The following ATP4B variants were observed in gnomAD, a reference collection of about 807,000 sequenced individuals.
The protein encoded by ATP4B is potassium-transporting ATPase subunit beta.
A neutral mutation model predicts 35.3 loss-of-function variants in ATP4B; 27 were observed. The observed-to-expected ratio is 0.76, with a 90% CI of 0.56 to 1.05. The LOEUF (loss-of-function observed/expected upper bound fraction) is 1.05, where lower values mean the gene tolerates loss of function less well. Among genes scored for constraint, ATP4B ranks in the 50% least tolerant of loss-of-function variants. The pLI, the probability that ATP4B is intolerant of heterozygous loss-of-function variation, is 0.00. For synonymous variants in ATP4B, 162 were observed against 156.0 expected, an observed-to-expected ratio of 1.04 and a Z score of -0.29; for missense variants, 375 against 384.8, an observed-to-expected ratio of 0.97 and a Z score of 0.21.
At position 113,657,905 on chromosome 13, in the gene ATP4B, G is replaced by A. The variant is rs570372014; in HGVS notation, c.112+128C>T. The A allele has an allele frequency of 6.0e-5, 46 of 766,436 alleles. No homozygotes were observed. The African/African-American group carries it at 7.0e-4, about 12-fold the overall frequency. The allele number at this position is 766,436 out of a possible 1,614,324, so 47.5% of individuals were successfully genotyped here. A position where few individuals can be genotyped will look rare whatever the true frequency, so the allele number is the denominator to read the frequency against. On this transcript the variant is annotated intron_variant, in intron 1 of 6. Transcript: ENST00000335288. ...GAGGCCCTGGCCGAAGCCCGTCCACGCCATCCAGGCAGCATCGGGGTCTCA... is the reference window on the plus strand; with the variant it reads ...GAGGCCCTGGCCGAAGCCCGTCCACACCATCCAGGCAGCATCGGGGTCTCA...
In ATP4B at chr13:113,649,781, G is replaced by C. The variant is rs1363935899; in HGVS notation, c.715-246C>G. 6.6e-6 allele frequency among the ~76,000 whole-genome samples: 1 copy of C among 152,184 alleles called. No individual in the cohort carries two copies. The highest frequency in any genetic ancestry group is 1.5e-5 in the Non-Finnish European group (1 of 68,032). ...AAATTCAGCTTCAAACTCTTACGAT[G>C]ATTAACGTAAAAATGAAACAGGAAA... On this transcript the variant is annotated intron_variant, in intron 6 of 6. Coordinates refer to ENST00000335288, the MANE Select transcript of ATP4B (RefSeq NM_000705.4). This position sits in a 1 kb window ranked among gnomAD's most constrained non-coding sequence, Gnocchi z 4.7.
chr13:113,652,877 T>C lies in ATP4B; in HGVS notation c.551A>G (p.Asn184Ser), dbSNP rs1044194818. The change falls in exon 4 of 7, where the codon AAC becomes AGC. Residue 184 changes from asparagine to serine, a missense_variant. By Grantham distance (46) the Asn-to-Ser change is conservative. Coordinates refer to ENST00000335288, the MANE Select transcript of ATP4B (RefSeq NM_000705.4). ...EGKPCFIIKMNRIVKFLPSNG... is the reference protein window; with the variant it reads ...EGKPCFIIKMSRIVKFLPSNG... ...AAGGAGACCCTCAGTACTCACCCTG[T>C]TCATTTTAATAATAAAACATGGCTT... 2 of 1,614,028 alleles carry C rather than the reference T, an allele frequency of 1.2e-6. No homozygotes were observed. Among genetic ancestry groups the C allele is most frequent in the Admixed American group, 3.3e-5 (2 of 60,002 alleles).
At position 113,652,952 on chromosome 13, in the gene ATP4B, A is replaced by G; in HGVS notation, c.476T>C (p.Leu159Pro). The stretch of plus-strand genomic sequence containing the variant: ...ATCCGCCAGGCCTGAGCAGTTCTGC[A>G]GCATATCTGCCGTGAACTTGCAGGA... ...KFSCKFTADM[L>P]QNCSGLADPN... The change falls in exon 4 of 7, where the codon CTG (leucine) becomes CCG (proline). Residue 159 changes from leucine to proline, a missense_variant. Transcript: ENST00000335288. The G allele has an allele frequency of 6.2e-7, 1 of 1,614,236 alleles. No homozygotes were observed.
Position 113,658,141 on chromosome 13 carries a change from C to T in ATP4B, c.4G>A (p.Ala2Thr). 6.2e-7 allele frequency: 1 copy of T among 1,611,970 alleles called. No individual in the cohort carries two copies. The highest frequency in any genetic ancestry group is 1.7e-5 in the Admixed American group (1 of 59,874). Residue 2 changes from alanine (A) to threonine (T), a missense_variant, in exon 1 of 7, where the codon GCG becomes ACG. Transcript: ENST00000335288. ...CACGTCTTCTTCTCCTGCAGAGCCG[C>T]CATCGTCCCTGGCCTGAGATCCTCC... M[A>T]ALQEKKTCGQ... is the part of the protein sequence containing the mutation.
At position 113,651,699 on chromosome 13, in the gene ATP4B, G is replaced by A. The variant is rs543766251; in HGVS notation, c.584C>T (p.Ser195Leu). ...GAAGGCGCAGTCCACTCTGGGGGCC[G>A]AGCCGTTGCTGGGGAGGAACTTGAC... ...RIVKFLPSNG[S>L]APRVDCAFLD... Residue 195 changes from serine to leucine, a missense_variant, in exon 5 of 7, where the codon TCG becomes TTG. Coordinates refer to ENST00000335288, the MANE Select transcript of ATP4B (RefSeq NM_000705.4). 2.0e-5 allele frequency: 32 copies of A among 1,613,748 alleles called. No homozygotes were observed. Among genetic ancestry groups the A allele is most frequent in the Admixed American group, 1.7e-4 (10 of 59,958 alleles).
chr13:113,656,818 C>T (rs985032561), intron 1 of ATP4B, among the ~76,000 whole-genome samples: 28 of 152,146 alleles, frequency 1.8e-4, no homozygotes, highest in Middle Eastern at 3.4e-3. Context: ...AGCCAGGAGG[C>T]GGCACATGGG....
chr13:113,654,927 T>C lies in ATP4B; in HGVS notation c.128A>G (p.Tyr43Cys). Reference sequence around the variant, plus strand: ...CATCACCACGTAGAAGGCCACGTAGTACAGGCTGATCCACACTGCGACACA... The same window carrying C: ...CATCACCACGTAGAAGGCCACGTAGCACAGGCTGATCCACACTGCGACACA... ...TLSRWVWISLYYVAFYVVMTG... is the reference protein window; with the variant it reads ...TLSRWVWISLCYVAFYVVMTG... Residue 43 changes from tyrosine (Y) to cysteine (C), a missense_variant, in exon 2 of 7, where the codon TAC becomes TGC. By Grantham distance (194) the Tyr-to-Cys change is radical. Coordinates refer to ENST00000335288, the MANE Select transcript of ATP4B (RefSeq NM_000705.4). 1 of 1,614,128 alleles carries C rather than the reference T, an allele frequency of 6.2e-7. No homozygotes were observed. The highest frequency in any genetic ancestry group is 8.5e-7 in the Non-Finnish European group (1 of 1,180,008).
At chr13:113,652,522 G>GCTAAAC (rs1566688323) in intron 4 of ATP4B, among the ~76,000 whole-genome samples, 2 of 152,370 alleles carry the variant, frequency 1.3e-5, no homozygotes, top group East Asian at 3.9e-4. Context: ...TTTAGAAGGT[G>GCTAAAC]CTAAACCCCT....
rs758103828 is a variant in ATP4B at position 113,649,360 on chromosome 13, C to T, written c.*14G>A. ...GACCCCGCAGGCGTGCCCAGGACCC[C>T]TGCGCAAACCGTTTCACTTCTCAAT... On this transcript the variant is annotated 3_prime_UTR_variant, in exon 7 of 7. Transcript: ENST00000335288. This position sits in a 1 kb window ranked among gnomAD's most constrained non-coding sequence, Gnocchi z 4.7. 1.9e-6 allele frequency: 3 copies of T among 1,586,942 alleles called. No individual in the cohort carries two copies. The South Asian group carries it at 3.4e-5, about 18-fold the overall frequency.
In ATP4B at chr13:113,658,102, C is replaced by A. The variant is rs760372478; in HGVS notation, c.43G>T (p.Glu15Ter). 1 of 1,612,804 alleles carries A rather than the reference C, an allele frequency of 6.2e-7. No homozygotes were observed. The highest frequency in any genetic ancestry group is 8.5e-7 in the Non-Finnish European group (1 of 1,179,782). The change falls in exon 1 of 7, where the codon GAG becomes TAG. Residue 15 changes from glutamate to a stop codon, truncating the protein, a stop_gained. Coordinates refer to ENST00000335288, the MANE Select transcript of ATP4B (RefSeq NM_000705.4). LOFTEE classifies it high-confidence loss of function. ...TTCCAGCAGTAACGCTGGAACTCCT[C>A]CATGCGCTGGCCACACGTCTTCTTC... ...QEKKTCGQRMEEFQRYCWNPD... is the reference protein window; with the variant it reads ...QEKKTCGQRM
rs771178398 is a variant in ATP4B, at chr13:113,649,394, T to G, written c.856A>C (p.Lys286Gln). Residue 286 changes from lysine (K) to glutamine (Q), a missense_variant, in exon 7 of 7, where the codon AAA becomes CAA. Transcript: ENST00000335288. The surrounding 1 kb of genome is among the most constrained non-coding windows in gnomAD (Gnocchi z 4.7). ...CCGTTTCACTTCTCAATCTTGAGTT[T>G]GAACTCCACTTTCCCTTCATACGGG... ...HDPYEGKVEF[K>Q]LKIEK The G allele has an allele frequency of 3.1e-6, 5 of 1,594,966 alleles. No homozygotes were observed. The highest frequency in any genetic ancestry group is 2.0e-4 in the Middle Eastern group (1 of 4,910).
chr13:113,650,585 G>A lies in ATP4B; in HGVS notation c.613-78C>T. On this transcript the variant is annotated intron_variant, in intron 5 of 6. Coordinates refer to ENST00000335288, the MANE Select transcript of ATP4B (RefSeq NM_000705.4). The surrounding 1 kb of genome is among the most constrained non-coding windows in gnomAD (Gnocchi z 5.0). ...GTCTGTGTGTTGCGTTTGTGTGCGT[G>A]TGTGCACACACGCGCTGTGTAGGTG... is the stretch of plus-strand genomic sequence containing the variant. 7.0e-6 allele frequency: 8 copies of A among 1,135,336 alleles called. No homozygotes were observed. The highest frequency in any genetic ancestry group is 1.0e-5 in the Non-Finnish European group (8 of 780,988). 70.3% of individuals were successfully genotyped at this position (1,135,336 alleles called of 1,614,324 possible). A position where few individuals can be genotyped will look rare whatever the true frequency, so the allele number is the denominator to read the frequency against.
At position 113,651,589 on chromosome 13, in the gene ATP4B, G is replaced by A. The variant is rs1023650197; in HGVS notation, c.612+82C>T. ...CTGACATTCCTGGAGAGAACCAGGT[G>A]GGCCGTGCCCAGCATGAACCAGCAC... On this transcript the variant is annotated intron_variant, in intron 5 of 6. Transcript: ENST00000335288. The A allele has an allele frequency of 7.1e-6, 10 of 1,403,230 alleles. No homozygotes were observed. The African/African-American group carries it at 1.3e-4, about 18-fold the overall frequency. 86.9% of individuals were successfully genotyped at this position (1,403,230 alleles called of 1,614,324 possible).
chr13:113,652,654 C>T (rs557578409), intron 4 of ATP4B: 86 of 653,114 alleles, frequency 1.3e-4, no homozygotes, highest in African/African-American at 1.2e-3. Flanking sequence ...TTTAGAGGGC[C>T]GGCTATGTGC....
Position 113,654,837 on chromosome 13 carries a change from T to C in ATP4B, c.218A>G (p.Tyr73Cys), listed in dbSNP as rs1458924307. 1.2e-6 allele frequency: 2 copies of C among 1,614,116 alleles called. No individual in the cohort carries two copies. The highest frequency in any genetic ancestry group is 1.7e-6 in the Non-Finnish European group (2 of 1,179,984). ...MQTVDPYTPD[Y>C]QDQLRSPGVT... ...ACCTGGTGACCGTAGCTGGTCTTGG[T>C]AGTCCGGTGTGTACGGGTCCACTGT... Residue 73 changes from tyrosine to cysteine, a missense_variant, in exon 2 of 7, where the codon TAC becomes TGC. By Grantham distance (194) the Tyr-to-Cys change is radical. Transcript: ENST00000335288.
chr13:113,654,697 C>T (rs2049739589), intron 2 of ATP4B, 117 bp downstream of exon 2: 2 of 1,450,090 alleles, frequency 1.4e-6, no homozygotes. Flanking sequence ...GGCTGCCGGG[C>T]TGGCTTCCCT....
rs2049693113 is a variant in ATP4B, at chr13:113,649,287, A to C, written c.*87T>G. On this transcript the variant is annotated 3_prime_UTR_variant, in exon 7 of 7. Transcript: ENST00000335288. This position sits in a 1 kb window ranked among gnomAD's most constrained non-coding sequence, Gnocchi z 4.7. ...CAAACCACTTTGGGGATGATTTGGCAGGGAACTGACGGGCAAGGTAAGCCC... is the reference window on the plus strand; with the variant it reads ...CAAACCACTTTGGGGATGATTTGGCCGGGAACTGACGGGCAAGGTAAGCCC... 6.8e-7 allele frequency: 1 copy of C among 1,465,108 alleles called. No individual in the cohort carries two copies. Among genetic ancestry groups the C allele is most frequent in the Admixed American group, 2.3e-5 (1 of 44,274 alleles). The allele number at this position is 1,465,108 out of a possible 1,614,324, so 90.8% of individuals were successfully genotyped here.
rs1439174389 is a variant in ATP4B, at chr13:113,650,564, G to A, written c.613-57C>T. On this transcript the variant is annotated intron_variant, in intron 5 of 6. Transcript: ENST00000335288. The surrounding 1 kb of genome is among the most constrained non-coding windows in gnomAD (Gnocchi z 5.0). ...CGGGAGCTGGTGTGTGCCGGTGTCT[G>A]TGTGTTGCGTTTGTGTGCGTGTGTG... is the stretch of plus-strand genomic sequence containing the variant. 8 of 1,439,166 alleles carry A rather than the reference G, an allele frequency of 5.6e-6. No individual in the cohort carries two copies. Among genetic ancestry groups the A allele is most frequent in the East Asian group, 2.3e-5 (1 of 43,956 alleles). 89.1% of individuals were successfully genotyped at this position (1,439,166 alleles called of 1,614,324 possible). A position where few individuals can be genotyped will look rare whatever the true frequency, so the allele number is the denominator to read the frequency against.
chr13:113,653,044 G>A lies in ATP4B; in HGVS notation c.384C>T (p.Ser128=). Residue 128 remains serine, a synonymous_variant, in exon 4 of 7, where the codon AGC becomes AGT. Transcript: ENST00000335288. Reference sequence around the variant, plus strand: ...AGTACTGCTCGGAGGTGCAGTTGATGCTGTCCTCCTGGGCTGCTGGAGAGT... The same window carrying A: ...AGTACTGCTCGGAGGTGCAGTTGATACTGTCCTCCTGGGCTGCTGGAGAGT... ...AGYSPAAQED[S]INCTSEQYFF... is the part of the protein sequence containing the mutation. The A allele has an allele frequency of 1.2e-6, 2 of 1,612,928 alleles. No homozygotes were observed. Among genetic ancestry groups the A allele is most frequent in the Non-Finnish European group, 1.7e-6 (2 of 1,179,072 alleles).
Sources: allele counts gnomAD v4.1 joint callset (sites outside exome capture counted in the v4.1 genomes callset), GRCh38; gene constraint gnomAD v4.1.1; non-coding constraint Gnocchi (gnomAD v3.1); transcripts MANE v1.5; gene names NCBI Gene and HGNC (gene_info 2026-07-23, HGNC 2026-07-21).